The following KAT6B variants were observed in gnomAD, a reference collection of about 807,000 sequenced individuals.
KAT6B encodes histone acetyltransferase KAT6B.
KAT6B carries 10 observed loss-of-function variants against 187.5 expected under a neutral mutation model. That is an observed-to-expected ratio of 0.05 (90% confidence interval 0.03 to 0.09). KAT6B has a LOEUF of 0.09. Ranked by LOEUF, KAT6B falls within the 10% of genes least tolerant of loss-of-function variation. KAT6B has a pLI of 1.00. For missense variants in KAT6B, 1,952 were observed against 2,558.9 expected, an observed-to-expected ratio of 0.76 and a Z score of 5.12; for synonymous variants, 861 against 926.8, an observed-to-expected ratio of 0.93 and a Z score of 1.29.
At chr10:74,912,403 A>AGATAGATG (rs1847305528) in intron 3 of KAT6B, among the ~76,000 whole-genome samples, 1 of 152,024 alleles carries the variant, frequency 6.6e-6, no homozygotes, top group South Asian at 2.1e-4. Context: ...ATAGATAGAT[A>AGATAGATG]GATAGATAGA....
At chr10:74,886,679 C>T (rs77650892) in intron 3 of KAT6B, among the ~76,000 whole-genome samples, 2,863 of 152,270 alleles carry the variant, frequency 0.019, 82 homozygotes, top group African/African-American at 0.058. Context: ...TCTGCTCCTA[C>T]TCTGTACTTC....
chr10:74,855,037 T>C (rs1461836346), intron 3 of KAT6B, among the ~76,000 whole-genome samples: 1 of 152,244 alleles, frequency 6.6e-6, no homozygotes, highest in Non-Finnish European at 1.5e-5. Flanking sequence ...CTCACCCTGC[T>C]TTTTAGCATT....
Position 75,031,054 on chromosome 10 carries a change from G to A in KAT6B, c.*8G>A, listed in dbSNP as rs893008215. ...TCCTACATGAGAAGGTAGACAACGTGGGCAGTCCACAAAACCTACGGGGCA... is the reference window on the plus strand; with the variant it reads ...TCCTACATGAGAAGGTAGACAACGTAGGCAGTCCACAAAACCTACGGGGCA... On this transcript the variant is annotated 3_prime_UTR_variant, in exon 18 of 18. Coordinates refer to ENST00000287239, the MANE Select transcript of KAT6B (RefSeq NM_012330.4). 9.3e-6 allele frequency: 15 copies of A among 1,613,710 alleles called. No homozygotes were observed. Among genetic ancestry groups the A allele is most frequent in the Non-Finnish European group, 1.1e-5 (13 of 1,179,926 alleles).
chr10:74,943,521 A>G (rs995515999), intron 3 of KAT6B, among the ~76,000 whole-genome samples: 3 of 152,340 alleles, frequency 2.0e-5, no homozygotes, highest in Admixed American at 1.3e-4. Context: ...GAAAAAGAAC[A>G]ACAAAGTTGA....
chr10:74,983,179 G>A (rs557524425), intron 11 of KAT6B: 1 of 152,202 alleles, frequency 6.6e-6, no homozygotes, highest in Admixed American at 6.5e-5. Flanking sequence ...AGGCACTTTT[G>A]ACATTTCAAG....
chr10:74,907,396 T>C (rs1009622238), intron 3 of KAT6B, among the ~76,000 whole-genome samples: 4 of 152,258 alleles, frequency 2.6e-5, no homozygotes, highest in African/African-American at 9.6e-5. Context: ...TTGTCAGCAG[T>C]ACATCCTTCA....
chr10:74,914,135 G>A (rs933623551), intron 3 of KAT6B, among the ~76,000 whole-genome samples: 1 of 151,674 alleles, frequency 6.6e-6, no homozygotes, highest in African/African-American at 2.4e-5. Context: ...GCAGTGGGCT[G>A]AGATCACGCC....
chr10:75,022,298 C>G, intron 16 of KAT6B, 67 bp downstream of exon 16: 1 of 1,550,000 alleles, frequency 6.5e-7, no homozygotes, highest in Non-Finnish European at 8.9e-7. Context: ...TGCAGACATT[C>G]TGTCTATTAG....
chr10:75,020,832 G>C lies in KAT6B; in HGVS notation c.2861+19G>C. On this transcript the variant is annotated intron_variant, in intron 14 of 17. Coordinates refer to ENST00000287239, the MANE Select transcript of KAT6B (RefSeq NM_012330.4). Reference sequence around the variant, plus strand: ...ATGGCAGGTGAGTCCTGGGACCCTGGGCAGCTCCGTGGCTCAGGCATCCCA... The same window carrying C: ...ATGGCAGGTGAGTCCTGGGACCCTGCGCAGCTCCGTGGCTCAGGCATCCCA... The C allele has an allele frequency of 6.2e-7, 1 of 1,605,810 alleles. No individual in the cohort carries two copies. Among genetic ancestry groups the C allele is most frequent in the South Asian group, 1.1e-5 (1 of 90,802 alleles).
At chr10:74,963,010 T>C (rs1242598924) in intron 4 of KAT6B, among the ~76,000 whole-genome samples, 1 of 152,210 alleles carries the variant, frequency 6.6e-6, no homozygotes, top group African/African-American at 2.4e-5. Context: ...TTTCCTCATC[T>C]GTGGGGTGTA....
intron 3 of KAT6B, among the ~76,000 whole-genome samples, chr10:74,920,968 C>G (rs879869894): frequency 2.6e-5 from 4 of 152,096 alleles, no homozygotes; most frequent in Non-Finnish European, 4.4e-5. Flanking sequence ...GATTATTTGG[C>G]TTGCTCATAA....
intron 2 of KAT6B, among the ~76,000 whole-genome samples, chr10:74,840,220 T>G (rs969409020): frequency 7.2e-5 from 11 of 152,210 alleles, no homozygotes; most frequent in African/African-American, 2.7e-4. Context: ...ATGCCTGAAC[T>G]GTCATATTTT....
At position 75,031,006 on chromosome 10, in the gene KAT6B, T is replaced by C; in HGVS notation, c.6182T>C (p.Met2061Thr). ...PGHHGYMNTGMSKQSLNGSYM... is the reference protein window; with the variant it reads ...PGHHGYMNTGTSKQSLNGSYM... Reference sequence around the variant, plus strand: ...CATCACGGCTACATGAACACAGGCATGTCCAAACAGTCTCTCAATGGCTCC... The same window carrying C: ...CATCACGGCTACATGAACACAGGCACGTCCAAACAGTCTCTCAATGGCTCC... The change falls in exon 18 of 18, where the codon ATG becomes ACG. Residue 2061 changes from methionine to threonine, a missense_variant. Physicochemically the swap from Met to Thr is moderately conservative, Grantham distance 81. Coordinates refer to ENST00000287239, the MANE Select transcript of KAT6B (RefSeq NM_012330.4). 3 of 1,614,210 alleles carry C rather than the reference T, an allele frequency of 1.9e-6. No individual in the cohort carries two copies. Among genetic ancestry groups the C allele is most frequent in the African/African-American group, 1.3e-5 (1 of 75,056 alleles).
At chr10:74,859,231 C>T (rs934496725) in intron 3 of KAT6B, among the ~76,000 whole-genome samples, 1 of 152,154 alleles carries the variant, frequency 6.6e-6, no homozygotes, top group East Asian at 1.9e-4. Flanking sequence ...CAGGTGCCTG[C>T]TACCATGCCC....
intron 3 of KAT6B, among the ~76,000 whole-genome samples, chr10:74,941,507 T>A (rs942903072): frequency 9.9e-5 from 15 of 152,186 alleles, no homozygotes; most frequent in African/African-American, 3.6e-4. Flanking sequence ...ATTGAAGACA[T>A]AATAAGGATA....
chr10:74,977,520 T>TA, intron 9 of KAT6B, 83 bp downstream of exon 9: 2 of 1,501,412 alleles, frequency 1.3e-6, no homozygotes, highest in East Asian at 4.6e-5. Flanking sequence ...GTTGATTTTA[T>TA]AGAGAATCCC....
At chr10:74,888,134 C>G (rs142539785) in intron 3 of KAT6B, among the ~76,000 whole-genome samples, 1 of 152,298 alleles carries the variant, frequency 6.6e-6, no homozygotes, top group African/African-American at 2.4e-5. Flanking sequence ...TATCTCATAT[C>G]CCTTCAAGCA....
chr10:74,921,069 C>CA (rs1304433596), intron 3 of KAT6B, among the ~76,000 whole-genome samples: 2 of 149,222 alleles, frequency 1.3e-5, no homozygotes, highest in Non-Finnish European at 3.0e-5. Flanking sequence ...GGTTTAAGAT[C>CA]AAATGGTTTC....
intron 3 of KAT6B, among the ~76,000 whole-genome samples, chr10:74,901,258 G>T (rs755113697): frequency 6.6e-6 from 1 of 152,074 alleles, no homozygotes; most frequent in African/African-American, 2.4e-5. Context: ...TTAACTTCAC[G>T]GAGGTTTTCA....
Sources: gnomAD v4.1 joint callset for allele counts (sites outside exome capture counted in the v4.1 genomes callset) on GRCh38, gnomAD v4.1.1 for gene constraint, MANE v1.5 for transcripts, NCBI Gene and HGNC (gene_info 2026-07-23, HGNC 2026-07-21) for gene names.